The following SV2C variants were observed in gnomAD, a reference collection of about 807,000 sequenced individuals.
SV2C encodes synaptic vesicle glycoprotein 2C.
SV2C carries 49 observed loss-of-function variants against 79.7 expected under a neutral mutation model. The ratio of observed to expected loss-of-function variants is 0.61; its 90% CI spans 0.49 to 0.78. The LOEUF (loss-of-function observed/expected upper bound fraction) is 0.78. SV2C is among the 30% of genes least tolerant of loss of function. The probability of loss-of-function intolerance (pLI) is 0.00; values close to 1 mark genes in which losing one functional copy is unlikely to be tolerated. For missense variants in SV2C, 833 were observed against 912.9 expected, an observed-to-expected ratio of 0.91 and a Z score of 1.13; for synonymous variants, 334 against 333.2, an observed-to-expected ratio of 1.00 and a Z score of -0.03.
At chr5:76,209,960 C>G (rs1389606216) in intron 4 of SV2C, 73 bp downstream of exon 4, 1 of 1,509,280 alleles carries the variant, frequency 6.6e-7, no homozygotes, top group Non-Finnish European at 8.9e-7. Flanking sequence ...TCTTCTTCCT[C>G]TCTTCTAAGG....
At chr5:75,927,152 T>C in the SV2C span, among the ~76,000 whole-genome samples, 1 of 152,236 alleles carries the variant, frequency 6.6e-6, no homozygotes, top group South Asian at 2.1e-4. Context: ...ATCCTATAGA[T>C]TGAGAGCTGG....
chr5:75,987,062 A>G, the SV2C span, among the ~76,000 whole-genome samples: 1 of 152,076 alleles, frequency 6.6e-6, no homozygotes, highest in Non-Finnish European at 1.5e-5. Context: ...ACCTGCCTCT[A>G]CATTGTGTCC....
intron 2 of SV2C, among the ~76,000 whole-genome samples, chr5:76,153,943 C>G (rs900682630): frequency 3.3e-5 from 5 of 152,174 alleles, no homozygotes; most frequent in African/African-American, 1.2e-4. Context: ...TCCAGAGCTT[C>G]TCATCCTCAG....
At chr5:75,882,182 C>G in the SV2C span, among the ~76,000 whole-genome samples, 3 of 150,790 alleles carry the variant, frequency 2.0e-5, no homozygotes, top group African/African-American at 7.4e-5. Flanking sequence ...TTTTGATGTG[C>G]TGCTGGATTT....
chr5:75,850,434 GCTT>G, the SV2C span, among the ~76,000 whole-genome samples: 2 of 152,034 alleles, frequency 1.3e-5, no homozygotes, highest in Admixed American at 6.6e-5. Flanking sequence ...TGAAACTCTA[GCTT>G]CTTATTTTTT....
chr5:76,047,758 T>C, the SV2C span, among the ~76,000 whole-genome samples: 2 of 146,792 alleles, frequency 1.4e-5, no homozygotes, highest in African/African-American at 2.5e-5. Context: ...GTATTCTTTT[T>C]TTCTTTTCTT....
intron 1 of SV2C, among the ~76,000 whole-genome samples, chr5:76,086,579 A>T (rs1747206990): frequency 6.6e-6 from 1 of 152,182 alleles, no homozygotes; most frequent in Admixed American, 6.5e-5. Context: ...TTCTCCATTT[A>T]AACACAAACT....
intron 1 of SV2C, among the ~76,000 whole-genome samples, chr5:76,118,096 C>CT (rs1471451589): frequency 6.6e-6 from 1 of 152,312 alleles, no homozygotes; most frequent in East Asian, 1.9e-4. Flanking sequence ...AATTTATTCT[C>CT]TGTCAGTTCT....
the SV2C span, among the ~76,000 whole-genome samples, chr5:75,868,173 G>A: frequency 5.4e-4 from 82 of 152,276 alleles, 1 homozygote; most frequent in Non-Finnish European, 9.1e-4. Context: ...TTGCAAAGGC[G>A]TAGAAATTCA....
chr5:75,958,860 C>T, the SV2C span, among the ~76,000 whole-genome samples: 3 of 152,042 alleles, frequency 2.0e-5, no homozygotes, highest in South Asian at 6.2e-4. Context: ...TTGACCTTTT[C>T]AACCTCAACC....
chr5:76,221,755 T>C (rs985806840), intron 4 of SV2C, among the ~76,000 whole-genome samples: 1 of 152,078 alleles, frequency 6.6e-6, no homozygotes, highest in African/African-American at 2.4e-5. Flanking sequence ...GTTGGCTAGA[T>C]CCTGGGTCTT....
At chr5:76,140,024 C>A (rs1749201668) in intron 2 of SV2C, among the ~76,000 whole-genome samples, 1 of 152,018 alleles carries the variant, frequency 6.6e-6, no homozygotes, top group Non-Finnish European at 1.5e-5. Context: ...ATTTACAAAT[C>A]TGGGATATAT....
At chr5:76,283,389 C>G (rs1157751224) in intron 4 of SV2C, among the ~76,000 whole-genome samples, 2 of 152,148 alleles carry the variant, frequency 1.3e-5, no homozygotes, top group African/African-American at 2.4e-5. Context: ...TCGTTGTTTC[C>G]CCCTATACTT....
the SV2C span, among the ~76,000 whole-genome samples, chr5:75,936,951 A>C: frequency 2.0e-5 from 3 of 152,242 alleles, no homozygotes; most frequent in Non-Finnish European, 4.4e-5. Context: ...ACACAAGCTG[A>C]AACTGTGTAA....
chr5:76,121,897 T>C (rs1748512858), intron 1 of SV2C, among the ~76,000 whole-genome samples: 1 of 152,174 alleles, frequency 6.6e-6, no homozygotes, highest in Non-Finnish European at 1.5e-5. Flanking sequence ...TTTTTTCCAA[T>C]TCTGTGAAGA....
At chr5:76,224,982 G>A (rs1451080356) in intron 4 of SV2C, among the ~76,000 whole-genome samples, 1 of 152,286 alleles carries the variant, frequency 6.6e-6, no homozygotes, top group East Asian at 1.9e-4. Context: ...TTTGCCCTGA[G>A]TTGCTTTGAG....
At chr5:76,084,841 C>T (rs1353757665) in intron 1 of SV2C, among the ~76,000 whole-genome samples, 1 of 150,766 alleles carries the variant, frequency 6.6e-6, no homozygotes, top group Non-Finnish European at 1.5e-5. Flanking sequence ...GGGAGGACTG[C>T]GGCGGCGCGG....
the SV2C span, among the ~76,000 whole-genome samples, chr5:75,895,405 C>A: frequency 3.5e-3 from 538 of 152,104 alleles, 2 homozygotes; most frequent in Middle Eastern, 0.01. Flanking sequence ...GAAATTATGT[C>A]TAAAGAATCA....
At chr5:75,984,878 A>G in the SV2C span, among the ~76,000 whole-genome samples, 5 of 152,000 alleles carry the variant, frequency 3.3e-5, no homozygotes, top group Non-Finnish European at 7.4e-5. Flanking sequence ...GATTACCTAA[A>G]ATAATCTCCT....
Sources: gnomAD v4.1 joint callset for allele counts (sites outside exome capture counted in the v4.1 genomes callset) on GRCh38, gnomAD v4.1.1 for gene constraint, MANE v1.5 for transcripts, NCBI Gene and HGNC (gene_info 2026-07-23, HGNC 2026-07-21) for gene names.